Variants in SOX5 observed in about 807,000 individuals in gnomAD.
SOX5 encodes transcription factor SOX-5.
SOX5 carries 9 observed loss-of-function variants against 92.0 expected under a neutral mutation model. The observed-to-expected ratio is 0.10, with a 90% CI of 0.06 to 0.17. The LOEUF (loss-of-function observed/expected upper bound fraction) is 0.17, where lower values mean the gene tolerates loss of function less well. Ranked by LOEUF, SOX5 falls within the 10% of genes least tolerant of loss-of-function variation. The probability of loss-of-function intolerance (pLI) is 1.00; values close to 1 mark genes in which losing one functional copy is unlikely to be tolerated. For synonymous variants in SOX5, 344 were observed against 336.3 expected (o/e 1.02, Z -0.25); for missense variants, 642 against 944.5 (o/e 0.68, Z 4.20).
chr12:24,005,572 T>A (rs1282269481), intron 4 of SOX5, among the ~76,000 whole-genome samples: 1 of 152,162 alleles, frequency 6.6e-6, no homozygotes, highest in Non-Finnish European at 1.5e-5. Context: ...CATTTGCAAC[T>A]TCATTGAAGA....
chr12:23,872,465 G>C (rs1454001768), intron 2 of SOX5, among the ~76,000 whole-genome samples: 1 of 151,984 alleles, frequency 6.6e-6, no homozygotes, highest in African/African-American at 2.4e-5. Flanking sequence ...AGAAGTTATG[G>C]TGTCATTAAA....
At chr12:23,985,107 A>C (rs1055618390) in intron 4 of SOX5, among the ~76,000 whole-genome samples, 2 of 152,168 alleles carry the variant, frequency 1.3e-5, no homozygotes, top group African/African-American at 4.8e-5. Context: ...CTATAAGACA[A>C]ACACAAGCCT....
chr12:24,152,145 C>G (rs914208791), intron 4 of SOX5, among the ~76,000 whole-genome samples: 1 of 152,106 alleles, frequency 6.6e-6, no homozygotes, highest in Non-Finnish European at 1.5e-5. Context: ...ATTCTTTAGG[C>G]TTTCATTACT....
At chr12:24,315,102 A>T (rs1346389985) in intron 2 of SOX5, among the ~76,000 whole-genome samples, 4 of 152,226 alleles carry the variant, frequency 2.6e-5, no homozygotes, top group Admixed American at 2.6e-4. Context: ...ATCAAATCAT[A>T]TGACAGCTCA....
chr12:23,951,092 G>C (rs1386907957), upstream of SOX5: 1 of 479,450 alleles, frequency 2.1e-6, no homozygotes, highest in South Asian at 3.7e-5. Context: ...AAGGGAAAGA[G>C]AGGAAAAAAA....
intron 1 of SOX5, among the ~76,000 whole-genome samples, chr12:24,388,629 A>C (rs1242847094): frequency 6.6e-6 from 1 of 152,164 alleles, no homozygotes; most frequent in Non-Finnish European, 1.5e-5. Context: ...TTTATATAAT[A>C]CAATTCACCC....
intron 4 of SOX5, among the ~76,000 whole-genome samples, chr12:24,025,431 C>T (rs1048335450): frequency 6.6e-6 from 1 of 152,068 alleles, no homozygotes; most frequent in Non-Finnish European, 1.5e-5. Context: ...TAGCTCAACT[C>T]TAGTTCTCTT....
intron 4 of SOX5, among the ~76,000 whole-genome samples, chr12:24,146,840 T>C (rs1951141095): frequency 6.6e-6 from 1 of 151,446 alleles, no homozygotes; most frequent in Non-Finnish European, 1.5e-5. Flanking sequence ...AATAAGATAA[T>C]ATTATGATTA....
chr12:23,704,316 G>T (rs562241015), intron 6 of SOX5, among the ~76,000 whole-genome samples: 2 of 151,596 alleles, frequency 1.3e-5, no homozygotes, highest in South Asian at 4.1e-4. Context: ...TGTTTAACCC[G>T]AATTTAAAAT....
chr12:23,813,386 T>A (rs1326514270), intron 3 of SOX5, among the ~76,000 whole-genome samples: 1 of 152,060 alleles, frequency 6.6e-6, no homozygotes, highest in Non-Finnish European at 1.5e-5. Context: ...CTGTCTCAGC[T>A]TGGGGAAAGC....
intron 1 of SOX5, among the ~76,000 whole-genome samples, chr12:24,440,359 G>A (rs1940286702): frequency 6.6e-6 from 1 of 152,078 alleles, no homozygotes; most frequent in Admixed American, 6.6e-5. Flanking sequence ...GGTGGGAGCG[G>A]TCATAATTGA....
chr12:24,478,496 G>T (rs895973870), intron 1 of SOX5, among the ~76,000 whole-genome samples: 6 of 152,144 alleles, frequency 3.9e-5, no homozygotes, highest in African/African-American at 1.4e-4. Context: ...CTTAAAGAAA[G>T]ATCTCTCCAC....
rs759004069 is a variant in SOX5, at chr12:23,563,421, C to T, written c.1343-18G>A. On this transcript the variant is annotated intron_variant, in intron 10 of 14. Coordinates refer to ENST00000451604, the MANE Select transcript of SOX5 (RefSeq NM_006940.6). The stretch of plus-strand genomic sequence containing the variant: ...TAAGTAACCTGAACATGAGACAGAT[C>T]AAAGGATATCTTTTGTATAAAAGCA... 1 of 1,609,870 alleles carries T rather than the reference C, an allele frequency of 6.2e-7. No individual in the cohort carries two copies. Among genetic ancestry groups the T allele is most frequent in the Admixed American group, 1.7e-5 (1 of 59,476 alleles).
At chr12:24,410,129 C>G (rs1244771361) in intron 1 of SOX5, among the ~76,000 whole-genome samples, 1 of 152,030 alleles carries the variant, frequency 6.6e-6, no homozygotes, top group East Asian at 1.9e-4. Context: ...TCCCACATAG[C>G]TGGGACTACA....
chr12:23,539,160 T>G (rs1432543841), intron 13 of SOX5, among the ~76,000 whole-genome samples: 1 of 152,118 alleles, frequency 6.6e-6, no homozygotes. Flanking sequence ...GTTTAAATGA[T>G]CTATACGCCA....
At chr12:23,829,138 C>T (rs1486250097) in intron 3 of SOX5, among the ~76,000 whole-genome samples, 1 of 152,044 alleles carries the variant, frequency 6.6e-6, no homozygotes, top group Non-Finnish European at 1.5e-5. Context: ...GACCAAGCAT[C>T]CACTAGAACC....
intron 1 of SOX5, among the ~76,000 whole-genome samples, chr12:24,375,169 T>C (rs1957130305): frequency 6.6e-6 from 1 of 151,378 alleles, no homozygotes; most frequent in Non-Finnish European, 1.5e-5. Flanking sequence ...GAGACGGGGT[T>C]TCACCGTGTT....
At chr12:24,280,997 G>C (rs532921804) in intron 2 of SOX5, among the ~76,000 whole-genome samples, 1 of 51,858 alleles carries the variant, frequency 1.9e-5, no homozygotes, top group Non-Finnish European at 4.2e-5. Context: ...GGGAGAGAGA[G>C]AGAGAGGAAA....
At chr12:24,205,370 C>T (rs1957920167) in intron 4 of SOX5, among the ~76,000 whole-genome samples, 1 of 152,064 alleles carries the variant, frequency 6.6e-6, no homozygotes, top group Admixed American at 6.6e-5. Flanking sequence ...TGCCAGACAC[C>T]ACCCCAAATA....
Sources: allele counts gnomAD v4.1 joint callset (sites outside exome capture counted in the v4.1 genomes callset), GRCh38; gene constraint gnomAD v4.1.1; transcripts MANE v1.5; gene names NCBI Gene and HGNC (gene_info 2026-07-23, HGNC 2026-07-21).